Variants in RBFOX2 observed in about 807,000 individuals in gnomAD.
The protein encoded by RBFOX2 is RNA binding protein fox-1 homolog 2.
Under a neutral mutation model 49.1 loss-of-function variants are expected in RBFOX2, and 10 were observed. That is an observed-to-expected ratio of 0.20 (90% CI 0.13 to 0.35). The LOEUF (loss-of-function observed/expected upper bound fraction) is 0.35, where lower values mean the gene tolerates loss of function less well. Among genes scored for constraint, RBFOX2 ranks in the 10% least tolerant of loss-of-function variants. The probability of loss-of-function intolerance (pLI) is 1.00; values close to 1 mark genes in which losing one functional copy is unlikely to be tolerated. For synonymous variants in RBFOX2, 183 were observed against 187.4 expected, an observed-to-expected ratio of 0.98 and a Z score of 0.19; for missense variants, 323 against 486.9, an observed-to-expected ratio of 0.66 and a Z score of 3.17.
intron 1 of RBFOX2, among the ~76,000 whole-genome samples, chr22:35,978,191 T>C (rs1170152215): frequency 6.6e-6 from 1 of 152,114 alleles, no homozygotes; most frequent in Non-Finnish European, 1.5e-5. Context: ...TTTACAAATA[T>C]GGAAAGAGGT....
rs200723019 is a variant in RBFOX2 at position 35,761,301 on chromosome 22, G to T, written c.662-7C>A. 6.2e-7 allele frequency: 1 copy of T among 1,613,910 alleles called. No individual in the cohort carries two copies. Among genetic ancestry groups the T allele is most frequent in the Admixed American group, 1.7e-5 (1 of 59,996 alleles). On this transcript the variant is annotated splice_region_variant and splice_polypyrimidine_tract_variant and intron_variant, in intron 7 of 11. Transcript: ENST00000405409. ...TCTGCTTGAAAGCTGGATGCTGATT[G>T]GATTTTTAAAAAATTTAAAAATGCA... is the stretch of plus-strand genomic sequence containing the variant.
chr22:36,009,299 C>G (rs189518025), intron 1 of RBFOX2, among the ~76,000 whole-genome samples: 22 of 152,256 alleles, frequency 1.4e-4, no homozygotes, highest in African/African-American at 3.6e-4. Flanking sequence ...AAAACTGAAG[C>G]ACAGAGGGGC....
intron 1 of RBFOX2, among the ~76,000 whole-genome samples, chr22:35,922,692 G>GA (rs1041551759): frequency 5.3e-5 from 8 of 152,028 alleles, no homozygotes; most frequent in South Asian, 4.2e-4. Context: ...ATGATTGAAA[G>GA]AAAAAATCAA....
chr22:35,905,328 A>G (rs566421488), intron 1 of RBFOX2, among the ~76,000 whole-genome samples: 2 of 152,310 alleles, frequency 1.3e-5, no homozygotes, highest in Admixed American at 1.3e-4. Flanking sequence ...ATATGTCAAA[A>G]TGGTGCCACT....
intron 1 of RBFOX2, among the ~76,000 whole-genome samples, chr22:35,951,602 T>C (rs1018606896): frequency 1.3e-5 from 2 of 151,900 alleles, no homozygotes; most frequent in Admixed American, 6.6e-5. Flanking sequence ...CTCTCTCTCC[T>C]GGCTGGACCT....
chr22:35,890,124 G>C (rs2047066432), intron 1 of RBFOX2, among the ~76,000 whole-genome samples: 1 of 152,126 alleles, frequency 6.6e-6, no homozygotes, highest in Non-Finnish European at 1.5e-5. Flanking sequence ...ATTATTCCAT[G>C]AATGTTCCTA....
intron 1 of RBFOX2, among the ~76,000 whole-genome samples, chr22:35,947,603 G>A (rs1428955200): frequency 7.4e-6 from 1 of 135,982 alleles, no homozygotes; most frequent in Admixed American, 8.4e-5. Context: ...TGATGATTTT[G>A]TCCCCGTGGA....
At chr22:35,976,027 C>T (rs117732943) in intron 1 of RBFOX2, among the ~76,000 whole-genome samples, 4,206 of 152,288 alleles carry the variant, frequency 0.028, 76 homozygotes, top group South Asian at 0.071. Flanking sequence ...TGAGCCCCTC[C>T]TTCACTACTG....
At chr22:35,828,827 G>A (rs11912460) in intron 1 of RBFOX2, among the ~76,000 whole-genome samples, 6,369 of 152,166 alleles carry the variant, frequency 0.042, 439 homozygotes, top group African/African-American at 0.14. Flanking sequence ...CGAGGCGGGC[G>A]GATCTTGAGG....
chr22:35,840,666 G>A, upstream of RBFOX2: 1 of 1,004,944 alleles, frequency 1.0e-6, no homozygotes, highest in Non-Finnish European at 1.2e-6. Context: ...GTAGGGGGGA[G>A]GAGGTAGGGA....
intron 1 of RBFOX2, among the ~76,000 whole-genome samples, chr22:35,851,615 T>A (rs149408646): frequency 6.6e-6 from 1 of 152,046 alleles, no homozygotes; most frequent in East Asian, 1.9e-4. Flanking sequence ...TCACTTGAGG[T>A]CAGGAGTTCG....
intron 1 of RBFOX2, among the ~76,000 whole-genome samples, chr22:36,007,395 T>C (rs893019284): frequency 4.6e-5 from 7 of 152,100 alleles, no homozygotes; most frequent in African/African-American, 7.2e-5. Context: ...TATTTTTTAT[T>C]TGTGGTAAGC....
intron 1 of RBFOX2, among the ~76,000 whole-genome samples, chr22:35,933,150 G>C (rs1040925394): frequency 1.3e-5 from 2 of 152,154 alleles, no homozygotes; most frequent in Admixed American, 6.5e-5. Flanking sequence ...CGGGGTTCAA[G>C]TCCAATTCTT....
intron 1 of RBFOX2, among the ~76,000 whole-genome samples, chr22:35,934,267 T>A (rs2052787457): frequency 6.6e-6 from 1 of 152,064 alleles, no homozygotes; most frequent in African/African-American, 2.4e-5. Flanking sequence ...ATAAGGATCT[T>A]GACCTCATAT....
At chr22:35,828,987 GT>G (rs1035539238) in intron 1 of RBFOX2, among the ~76,000 whole-genome samples, 1 of 152,074 alleles carries the variant, frequency 6.6e-6, no homozygotes, top group Non-Finnish European at 1.5e-5. Flanking sequence ...GGAGGCAGAG[GT>G]TGCAGTGAGC....
chr22:35,898,001 C>G (rs536958325), intron 1 of RBFOX2: 3 of 733,952 alleles, frequency 4.1e-6, no homozygotes, highest in Non-Finnish European at 7.5e-6. Flanking sequence ...TTTTTGGTTT[C>G]CCAGTCTCGT....
chr22:35,928,571 A>G (rs2051962252), intron 1 of RBFOX2, among the ~76,000 whole-genome samples: 1 of 152,252 alleles, frequency 6.6e-6, no homozygotes, highest in African/African-American at 2.4e-5. Flanking sequence ...CTTTCATAAA[A>G]TAGTTATTCA....
At chr22:35,905,859 T>C (rs2049070092) in intron 1 of RBFOX2, among the ~76,000 whole-genome samples, 1 of 152,154 alleles carries the variant, frequency 6.6e-6, no homozygotes, top group African/African-American at 2.4e-5. Context: ...TCCCGTAAGA[T>C]GATAATGCCA....
rs374020061 is a variant in RBFOX2, at chr22:35,761,399, T to G, written c.661+16A>C. 5 of 1,613,682 alleles carry G rather than the reference T, an allele frequency of 3.1e-6. No homozygotes were observed. Among genetic ancestry groups the G allele is most frequent in the African/African-American group, 2.7e-5 (2 of 74,900 alleles). On this transcript the variant is annotated intron_variant, in intron 7 of 11. Coordinates refer to ENST00000405409, the Ensembl canonical transcript of RBFOX2. ...CAATTAAATAGCACAAGTGGAAACA[T>G]TTACTTAAATACTACCTGCATATAA...
Sources: gnomAD v4.1 joint callset for allele counts (sites outside exome capture counted in the v4.1 genomes callset) on GRCh38, gnomAD v4.1.1 for gene constraint, MANE v1.5 for transcripts, NCBI Gene and HGNC (gene_info 2026-07-23, HGNC 2026-07-21) for gene names.